The following RPS6KA5 variants were observed in gnomAD, a reference collection of about 807,000 sequenced individuals.
RPS6KA5 encodes ribosomal protein S6 kinase A5.
In RPS6KA5, 27 loss-of-function variants were observed where a neutral mutation model predicts 85.5. The observed-to-expected ratio is 0.32, with a 90% CI of 0.23 to 0.44. The LOEUF (loss-of-function observed/expected upper bound fraction) is 0.44. Among genes scored for constraint, RPS6KA5 ranks in the 20% least tolerant of loss-of-function variants. The pLI, the probability that RPS6KA5 is intolerant of heterozygous loss-of-function variation, is 1.00. For missense variants in RPS6KA5, 811 were observed against 980.9 expected (o/e 0.83, Z 2.31); for synonymous variants, 334 against 348.2 (o/e 0.96, Z 0.46).
intron 3 of RPS6KA5, among the ~76,000 whole-genome samples, chr14:90,971,543 G>A (rs772402750): frequency 2.0e-5 from 3 of 152,176 alleles, no homozygotes; most frequent in Non-Finnish European, 4.4e-5. Flanking sequence ...CTCAGTTCAA[G>A]TAGAAATGCT....
rs756400550 is a variant in RPS6KA5 at position 90,856,360 on chromosome 14, A to ATTTTT, written c.*15709_*15713dup. 5 of 126,636 alleles carry ATTTTT rather than the reference A, an allele frequency of 3.9e-5. No homozygotes were observed. Among genetic ancestry groups the ATTTTT allele is most frequent in the African/African-American group, 9.2e-5 (3 of 32,684 alleles). 7.8% of individuals were successfully genotyped at this position (126,636 alleles called of 1,614,324 possible). On this transcript the variant is annotated 3_prime_UTR_variant, in exon 17 of 17. Transcript: ENST00000614987. Reference sequence around the variant, plus strand: ...GCTACAGCCTTTCTAGCTATGCGTGATTTTTTTTTTTTTTTTTTTTGAGAC... The same window carrying ATTTTT: ...GCTACAGCCTTTCTAGCTATGCGTGATTTTTTTTTTTTTTTTTTTTTTTTTGAGAC...
chr14:90,873,804 A>G lies in RPS6KA5; in HGVS notation c.1997-9T>C, dbSNP rs1276910778. On this transcript the variant is annotated splice_polypyrimidine_tract_variant and intron_variant, in intron 15 of 16. Coordinates refer to ENST00000614987, the MANE Select transcript of RPS6KA5 (RefSeq NM_004755.4). The stretch of plus-strand genomic sequence containing the variant: ...ATCTACTGTGAGAAGTCCTTTGGGA[A>G]TAGATATTTTTATTTTATGATTTGT... The G allele has an allele frequency of 1.7e-5, 28 of 1,602,312 alleles. No homozygotes were observed. In the East Asian group the frequency reaches 6.2e-4, roughly 36 times the overall value.
intron 12 of RPS6KA5, 151 bp downstream of exon 12, chr14:90,899,178 T>C (rs2035012019): frequency 1.7e-6 from 1 of 601,820 alleles, no homozygotes; most frequent in Admixed American, 3.0e-5. Context: ...GGGGAGGGGT[T>C]TGAGAGGGTG....
chr14:90,965,856 G>C (rs2039035955), intron 3 of RPS6KA5, among the ~76,000 whole-genome samples: 1 of 152,156 alleles, frequency 6.6e-6, no homozygotes, highest in Non-Finnish European at 1.5e-5. Flanking sequence ...AAGGAAGTAG[G>C]AGAATAGGAA....
intron 7 of RPS6KA5, among the ~76,000 whole-genome samples, chr14:90,912,478 C>T (rs1339569344): frequency 6.6e-6 from 1 of 152,200 alleles, no homozygotes; most frequent in Non-Finnish European, 1.5e-5. Context: ...AGGCAAGTTA[C>T]ATCCTAGTTT....
At position 90,943,130 on chromosome 14, in the gene RPS6KA5, C is replaced by A; in HGVS notation, c.566G>T (p.Gly189Val). The A allele has an allele frequency of 6.2e-7, 1 of 1,612,686 alleles. No homozygotes were observed. Among genetic ancestry groups the A allele is most frequent in the Non-Finnish European group, 8.5e-7 (1 of 1,178,954 alleles). The change falls in exon 5 of 17, where the codon GGC (glycine) becomes GTC (valine). Residue 189 changes from glycine (G) to valine (V), a missense_variant. Transcript: ENST00000614987. Reference protein sequence around the residue: ...KLENILLDSNGHVVLTDFGLS... With the variant: ...KLENILLDSNVHVVLTDFGLS... The stretch of plus-strand genomic sequence containing the variant: ...ACCAAAATCTGTCAGCACCACATGG[C>A]CATTAGAATCAAGTAGAATATTCTC...
chr14:91,027,312 T>C (rs1456661903), intron 1 of RPS6KA5, among the ~76,000 whole-genome samples: 1 of 152,238 alleles, frequency 6.6e-6, no homozygotes, highest in Non-Finnish European at 1.5e-5. Context: ...TCCAGTTTCA[T>C]GCTTCTGCAT....
intron 3 of RPS6KA5, among the ~76,000 whole-genome samples, chr14:90,967,442 T>C (rs2039124394): frequency 6.6e-6 from 1 of 152,200 alleles, no homozygotes; most frequent in Non-Finnish European, 1.5e-5. Flanking sequence ...AGGCATCAGT[T>C]ACAATTTATA....
chr14:91,004,926 C>G (rs550608831), intron 1 of RPS6KA5, among the ~76,000 whole-genome samples: 2 of 151,378 alleles, frequency 1.3e-5, no homozygotes, highest in Admixed American at 6.6e-5. Context: ...CAAGATCGCG[C>G]GCCACTGCAC....
intron 7 of RPS6KA5, among the ~76,000 whole-genome samples, chr14:90,912,571 C>T (rs995836197): frequency 1.3e-5 from 2 of 152,216 alleles, no homozygotes; most frequent in Non-Finnish European, 2.9e-5. Context: ...GACTTCTCAG[C>T]ACAGAGGCTG....
chr14:90,885,160 A>G (rs896174774), intron 14 of RPS6KA5, among the ~76,000 whole-genome samples: 6 of 151,398 alleles, frequency 4.0e-5, no homozygotes, highest in Non-Finnish European at 8.8e-5. Context: ...AACTGAAGCA[A>G]GAGGATCACC....
At chr14:90,903,283 G>C (rs2035288379) in intron 8 of RPS6KA5, among the ~76,000 whole-genome samples, 1 of 152,084 alleles carries the variant, frequency 6.6e-6, no homozygotes, top group South Asian at 2.1e-4. Flanking sequence ...CCTCAGAAAG[G>C]TGTTAAGCCA....
intron 2 of RPS6KA5, among the ~76,000 whole-genome samples, chr14:90,994,063 AGTTT>A (rs1292105339): frequency 6.6e-6 from 1 of 151,882 alleles, no homozygotes; most frequent in Non-Finnish European, 1.5e-5. Context: ...CAGCTAAGTT[AGTTT>A]GTTTTTCTAG....
intron 13 of RPS6KA5, among the ~76,000 whole-genome samples, chr14:90,891,691 T>C (rs2034568234): frequency 9.2e-5 from 14 of 152,198 alleles, no homozygotes; most frequent in Admixed American, 8.5e-4. Context: ...GTCTTCCATC[T>C]GAAAGTCAAT....
intron 5 of RPS6KA5, among the ~76,000 whole-genome samples, chr14:90,930,958 G>C (rs2036941435): frequency 6.6e-6 from 1 of 152,204 alleles, no homozygotes; most frequent in Non-Finnish European, 1.5e-5. Context: ...AAATGGTGCA[G>C]CTGCTATGGA....
At chr14:91,030,213 C>G (rs570347161) in intron 1 of RPS6KA5, among the ~76,000 whole-genome samples, 1 of 152,164 alleles carries the variant, frequency 6.6e-6, no homozygotes, top group African/African-American at 2.4e-5. Flanking sequence ...GTTTTATTCC[C>G]CAAGTCCTCA....
intron 7 of RPS6KA5, among the ~76,000 whole-genome samples, chr14:90,917,215 A>G (rs751961821): frequency 6.6e-6 from 1 of 152,208 alleles, no homozygotes; most frequent in Non-Finnish European, 1.5e-5. Context: ...ATAATTTTTC[A>G]TAAGAGGTGA....
At position 90,856,277 on chromosome 14, in the gene RPS6KA5, G is replaced by C. The variant is rs1415015120; in HGVS notation, c.*15797C>G. ...TGCTTCAGAGTTGATGCCAAAGAAAGGGGGGCAGGATGGCATTCTCTGAAT... is the reference window on the plus strand; with the variant it reads ...TGCTTCAGAGTTGATGCCAAAGAAACGGGGGCAGGATGGCATTCTCTGAAT... On this transcript the variant is annotated 3_prime_UTR_variant, in exon 17 of 17. Coordinates refer to ENST00000614987, the MANE Select transcript of RPS6KA5 (RefSeq NM_004755.4). 6.6e-6 allele frequency: 1 copy of C among 152,144 alleles called. No individual in the cohort carries two copies. The highest frequency in any genetic ancestry group is 1.9e-4 in the East Asian group (1 of 5,196). 9.4% of individuals were successfully genotyped at this position (152,144 alleles called of 1,614,324 possible). A position where few individuals can be genotyped will look rare whatever the true frequency, so the allele number is the denominator to read the frequency against.
rs1479042958 is a variant in RPS6KA5, at chr14:91,059,374, C to T, written c.103+958G>A. Among the ~76,000 whole-genome samples the T allele has an allele frequency of 2.0e-5, 3 of 150,830 alleles. No individual in the cohort carries two copies. The East Asian group carries it at 5.8e-4, about 29-fold the overall frequency. ...AAAAAAAAATCCCAATATGCCAAAG[C>T]AGCTCTGTCAAAAACCTTCAACGCT... On this transcript the variant is annotated intron_variant, in intron 1 of 16. Coordinates refer to ENST00000614987, the MANE Select transcript of RPS6KA5 (RefSeq NM_004755.4).
Sources: allele counts gnomAD v4.1 joint callset (sites outside exome capture counted in the v4.1 genomes callset), GRCh38; gene constraint gnomAD v4.1.1; transcripts MANE v1.5; gene names NCBI Gene and HGNC (gene_info 2026-07-23, HGNC 2026-07-21).